Variants in FAM107B observed in about 807,000 individuals in gnomAD.
The protein encoded by FAM107B is protein FAM107B.
In FAM107B, 21 loss-of-function variants were observed where a neutral mutation model predicts 31.5. The observed-to-expected ratio is 0.67, with a 90% CI of 0.47 to 0.96. FAM107B has a LOEUF of 0.96. FAM107B is among the 40% of genes least tolerant of loss of function. The pLI is 0.00. For synonymous variants in FAM107B, 157 were observed against 141.5 expected, an observed-to-expected ratio of 1.11 and a Z score of -0.78; for missense variants, 452 against 377.1, an observed-to-expected ratio of 1.20 and a Z score of -1.64.
intron 3 of FAM107B, among the ~76,000 whole-genome samples, chr10:14,525,231 T>G (rs1846098384): frequency 6.6e-6 from 1 of 152,168 alleles, no homozygotes; most frequent in African/African-American, 2.4e-5. Context: ...GAATAGTTGG[T>G]TCTCTTTAAT....
intron 3 of FAM107B, among the ~76,000 whole-genome samples, chr10:14,526,259 C>T (rs983534942): frequency 3.9e-5 from 6 of 152,314 alleles, no homozygotes; most frequent in East Asian, 3.9e-4. Flanking sequence ...CTGCAACCTC[C>T]GCTTCCTGGG....
chr10:14,755,356 A>C (rs535302313), intron 1 of FAM107B, among the ~76,000 whole-genome samples: 1 of 152,150 alleles, frequency 6.6e-6, no homozygotes, highest in African/African-American at 2.4e-5. Flanking sequence ...AACCTGGCCA[A>C]CATGGTGAAA....
intron 2 of FAM107B, among the ~76,000 whole-genome samples, chr10:14,646,789 C>CTTTTTTTTTT (rs369557470): frequency 2.3e-5 from 2 of 86,764 alleles, no homozygotes; most frequent in African/African-American, 9.3e-5. Flanking sequence ...CCATTTTCTC[C>CTTTTTTTTTT]TTTTTTTTTT....
chr10:14,566,527 C>T (rs1039304219), intron 2 of FAM107B, among the ~76,000 whole-genome samples: 1 of 152,152 alleles, frequency 6.6e-6, no homozygotes, highest in African/African-American at 2.4e-5. Context: ...ACAGCCCTGG[C>T]GCCCACCTGG....
chr10:14,725,834 T>TC (rs1290133109), intron 1 of FAM107B, among the ~76,000 whole-genome samples: 1 of 146,968 alleles, frequency 6.8e-6, no homozygotes, highest in African/African-American at 2.5e-5. Flanking sequence ...TTTTTTTTTT[T>TC]TTTTTTTTGG....
chr10:14,614,795 G>T (rs747618781), intron 2 of FAM107B, among the ~76,000 whole-genome samples: 2 of 152,018 alleles, frequency 1.3e-5, no homozygotes, highest in Non-Finnish European at 2.9e-5. Flanking sequence ...AAGCAGGAGA[G>T]GATGTGATGG....
At chr10:14,674,893 C>A (rs1854644326) in intron 1 of FAM107B, among the ~76,000 whole-genome samples, 1 of 152,144 alleles carries the variant, frequency 6.6e-6, no homozygotes, top group South Asian at 2.1e-4. Context: ...CAGCACCACA[C>A]CTGGCTAATT....
chr10:14,611,963 G>A (rs1447807495), intron 2 of FAM107B, among the ~76,000 whole-genome samples: 1 of 151,968 alleles, frequency 6.6e-6, no homozygotes, highest in African/African-American at 2.4e-5. Flanking sequence ...GTGTGTATAT[G>A]TGTATGTGTG....
At chr10:14,614,238 C>A (rs1265327698) in intron 2 of FAM107B, among the ~76,000 whole-genome samples, 10 of 152,160 alleles carry the variant, frequency 6.6e-5, no homozygotes, top group Non-Finnish European at 1.5e-4. Flanking sequence ...CTTAGAGGCT[C>A]TGAGCACGAT....
chr10:14,721,306 A>G (rs1049226504), intron 1 of FAM107B, among the ~76,000 whole-genome samples: 7 of 152,156 alleles, frequency 4.6e-5, no homozygotes, highest in African/African-American at 1.7e-4. Context: ...CTATAAACAT[A>G]CGTTTGCATG....
intron 1 of FAM107B, among the ~76,000 whole-genome samples, chr10:14,683,994 T>C (rs1193199247): frequency 1.3e-5 from 2 of 152,240 alleles, no homozygotes; most frequent in Non-Finnish European, 2.9e-5. Flanking sequence ...ACCTGTCTTA[T>C]AAACAACAGC....
chr10:14,620,342 C>G (rs116950983), intron 2 of FAM107B, among the ~76,000 whole-genome samples: 5,487 of 152,148 alleles, frequency 0.036, 118 homozygotes, highest in Middle Eastern at 0.061. Flanking sequence ...TATCCTGTTC[C>G]ATGTCTCTGT....
intron 2 of FAM107B, among the ~76,000 whole-genome samples, chr10:14,602,282 C>T (rs563068229): frequency 6.6e-6 from 1 of 152,344 alleles, no homozygotes; most frequent in South Asian, 2.1e-4. Context: ...GCCACAACTT[C>T]CTTCTTGTAG....
At chr10:14,726,536 T>C (rs1319075773) in intron 1 of FAM107B, among the ~76,000 whole-genome samples, 1 of 152,160 alleles carries the variant, frequency 6.6e-6, no homozygotes, top group African/African-American at 2.4e-5. Context: ...AGGCTAAATT[T>C]TGGGGGTAAT....
Position 14,604,110 on chromosome 10 carries a change from G to T in FAM107B, c.469+63524C>A, listed in dbSNP as rs568044318. ...GTACGCCCGCTGCCCTCCCGCGCAC[G>T]GGGACCCCCCACCCGCCCGGCCGCC... On this transcript the variant is annotated intron_variant, in intron 2 of 4. Coordinates refer to ENST00000181796, the MANE Select transcript of FAM107B (RefSeq NM_031453.4). The T allele has an allele frequency of 3.1e-3, 1,526 of 489,106 alleles. 17 individuals are homozygous for T. In the African/African-American group the frequency reaches 0.031, roughly 10 times the overall value. 30.3% of individuals were successfully genotyped at this position (489,106 alleles called of 1,614,324 possible). A position where few individuals can be genotyped will look rare whatever the true frequency, so the allele number is the denominator to read the frequency against.
intron 1 of FAM107B, among the ~76,000 whole-genome samples, chr10:14,685,430 G>T (rs1034135753): frequency 3.3e-5 from 5 of 152,152 alleles, no homozygotes; most frequent in African/African-American, 1.2e-4. Flanking sequence ...TAGGATTATA[G>T]TGTGAGCCAC....
intron 1 of FAM107B, among the ~76,000 whole-genome samples, chr10:14,682,246 G>A (rs186501730): frequency 1.1e-3 from 161 of 152,284 alleles, no homozygotes; most frequent in African/African-American, 3.6e-3. Flanking sequence ...AAGGAAGCTT[G>A]GGCTGGCTGT....
At chr10:14,737,414 A>G (rs1307832003) in intron 1 of FAM107B, among the ~76,000 whole-genome samples, 1 of 152,038 alleles carries the variant, frequency 6.6e-6, no homozygotes, top group Non-Finnish European at 1.5e-5. Flanking sequence ...GGAGTTGGGG[A>G]CCAGCCTGGG....
intron 2 of FAM107B, among the ~76,000 whole-genome samples, chr10:14,667,411 A>G (rs1854430006): frequency 6.6e-6 from 1 of 152,252 alleles, no homozygotes; most frequent in South Asian, 2.1e-4. Context: ...ACTGTAATCA[A>G]TAAAAGAAAG....
Sources: gnomAD v4.1 joint callset for allele counts (sites outside exome capture counted in the v4.1 genomes callset) on GRCh38, gnomAD v4.1.1 for gene constraint, MANE v1.5 for transcripts, NCBI Gene and HGNC (gene_info 2026-07-23, HGNC 2026-07-21) for gene names.